AGTPBP1: variants seen among roughly 807,000 people sequenced by gnomAD.
AGTPBP1 encodes the protein ATP/GTP binding carboxypeptidase 1.
AGTPBP1 carries 70 observed loss-of-function variants against 143.9 expected under a neutral mutation model. That is an observed-to-expected ratio of 0.49 (90% CI 0.40 to 0.59). AGTPBP1 has a LOEUF of 0.59. Ranked by LOEUF, AGTPBP1 falls within the 20% of genes least tolerant of loss-of-function variation. The pLI, the probability that AGTPBP1 is intolerant of heterozygous loss-of-function variation, is 0.00. For synonymous variants in AGTPBP1, 463 were observed against 500.2 expected (o/e 0.93, Z 0.99); for missense variants, 1,229 against 1,464.5 (o/e 0.84, Z 2.62).
chr9:85,606,204 T>C (rs766953836), intron 17 of AGTPBP1, among the ~76,000 whole-genome samples: 2 of 151,590 alleles, frequency 1.3e-5, no homozygotes, highest in Admixed American at 6.6e-5. Flanking sequence ...AACTCAATAG[T>C]AAAAAATAAT....
chr9:85,681,203 G>T, intron 4 of AGTPBP1, 65 bp downstream of exon 4: 1 of 1,412,882 alleles, frequency 7.1e-7, no homozygotes, highest in Non-Finnish European at 9.9e-7. Flanking sequence ...ACACACATAC[G>T]CTTTTTCTTC....
At chr9:85,757,093 T>C in the AGTPBP1 span, among the ~76,000 whole-genome samples, 3 of 152,106 alleles carry the variant, frequency 2.0e-5, no homozygotes, top group East Asian at 1.9e-4. Context: ...TACTTTATTA[T>C]TATTTTTTAT....
chr9:85,631,665 A>T (rs968711726), intron 14 of AGTPBP1, among the ~76,000 whole-genome samples: 14 of 152,256 alleles, frequency 9.2e-5, no homozygotes, highest in African/African-American at 2.9e-4. Flanking sequence ...GGTAAAAAAA[A>T]ATAAGATGCA....
chr9:85,651,813 C>G (rs1485250919), intron 11 of AGTPBP1, among the ~76,000 whole-genome samples: 1 of 152,190 alleles, frequency 6.6e-6, no homozygotes, highest in Non-Finnish European at 1.5e-5. Context: ...TCAAGGCCAG[C>G]TCGATTCATT....
intron 1 of AGTPBP1, among the ~76,000 whole-genome samples, chr9:85,738,265 TAG>T (rs1371878986): frequency 2.0e-5 from 3 of 151,970 alleles, no homozygotes; most frequent in Non-Finnish European, 4.4e-5. Flanking sequence ...TGAAAGCATT[TAG>T]AGTTTTAATA....
the AGTPBP1 span, chr9:85,765,169 A>C: frequency 3.1e-6 from 1 of 324,990 alleles, no homozygotes; most frequent in South Asian, 4.0e-5. Flanking sequence ...GCATTTGGAA[A>C]CTATTAATTT....
At chr9:85,778,462 C>T in the AGTPBP1 span, among the ~76,000 whole-genome samples, 1 of 152,212 alleles carries the variant, frequency 6.6e-6, no homozygotes, top group East Asian at 1.9e-4. Context: ...GCCACTGACA[C>T]CTCAAGCACC....
chr9:85,787,960 A>C, the AGTPBP1 span: 1 of 152,172 alleles, frequency 6.6e-6, no homozygotes, highest in Non-Finnish European at 1.5e-5. Flanking sequence ...CCCTGTGCTC[A>C]AAGACTCAAG....
chr9:85,554,195 A>T (rs1018729406), intron 25 of AGTPBP1: 1 of 152,294 alleles, frequency 6.6e-6, no homozygotes, highest in Admixed American at 6.5e-5. Flanking sequence ...CAGCTGTTAG[A>T]GGCAGAGAAG....
chr9:85,549,153 T>G (rs1027994505), intron 25 of AGTPBP1, among the ~76,000 whole-genome samples: 47 of 152,208 alleles, frequency 3.1e-4, no homozygotes, highest in African/African-American at 1.1e-3. Flanking sequence ...AAATCTTCTC[T>G]TGCCACATAC....
chr9:85,724,322 T>C (rs1838332194), intron 1 of AGTPBP1, among the ~76,000 whole-genome samples: 1 of 151,772 alleles, frequency 6.6e-6, no homozygotes, highest in Middle Eastern at 3.4e-3. Context: ...AATAAACATC[T>C]GTTCTTTATA....
intron 22 of AGTPBP1, among the ~76,000 whole-genome samples, chr9:85,586,506 T>C (rs1828619163): frequency 1.3e-5 from 2 of 152,270 alleles, no homozygotes; most frequent in African/African-American, 2.4e-5. Flanking sequence ...CTGTGTGTAG[T>C]AGAGACTTAA....
Position 85,692,699 on chromosome 9 carries a change from A to G in AGTPBP1, c.147T>C (p.Ala49=). The change falls in exon 3 of 26, where the codon GCT becomes GCC. Residue 49 remains alanine, a synonymous_variant. Coordinates refer to ENST00000357081, the MANE Select transcript of AGTPBP1 (RefSeq NM_001330701.2). ...GAGATCAATGTTTACCTTGACTCTG[A>G]GCCAGATGAAGAATTTTTGATGTAA... ...RYVTSKILHL[A]QSQEKTRREM... 6.2e-7 allele frequency: 1 copy of G among 1,613,912 alleles called. No individual in the cohort carries two copies. Among genetic ancestry groups the G allele is most frequent in the Non-Finnish European group, 8.5e-7 (1 of 1,179,926 alleles).
chr9:85,586,375 C>T (rs1349402023), intron 22 of AGTPBP1, among the ~76,000 whole-genome samples: 2 of 151,958 alleles, frequency 1.3e-5, no homozygotes, highest in Non-Finnish European at 2.9e-5. Flanking sequence ...TCTATCTTTC[C>T]TAAAGAAAGA....
intron 23 of AGTPBP1, among the ~76,000 whole-genome samples, chr9:85,580,006 G>A (rs956253830): frequency 6.6e-6 from 1 of 151,906 alleles, no homozygotes; most frequent in African/African-American, 2.4e-5. Context: ...GGGAGTCTGA[G>A]GCAGGTGGAT....
At chr9:85,797,269 G>A in the AGTPBP1 span, among the ~76,000 whole-genome samples, 1 of 151,996 alleles carries the variant, frequency 6.6e-6, no homozygotes, top group Non-Finnish European at 1.5e-5. Context: ...CAGTACTCCT[G>A]GCTAATTTTT....
chr9:85,725,189 C>G (rs545330048), intron 1 of AGTPBP1, among the ~76,000 whole-genome samples: 2 of 152,102 alleles, frequency 1.3e-5, no homozygotes, highest in Non-Finnish European at 2.9e-5. Context: ...TTCAGTTTTT[C>G]TACAACAATG....
intron 3 of AGTPBP1, among the ~76,000 whole-genome samples, chr9:85,683,623 T>A (rs1422373960): frequency 6.6e-6 from 1 of 152,190 alleles, no homozygotes; most frequent in Non-Finnish European, 1.5e-5. Flanking sequence ...AATGTCATTG[T>A]GGAAAATTCA....
At chr9:85,771,747 G>A in the AGTPBP1 span, among the ~76,000 whole-genome samples, 1 of 151,504 alleles carries the variant, frequency 6.6e-6, no homozygotes, top group Admixed American at 6.6e-5. Flanking sequence ...CTGCCCCAAG[G>A]TTCACGCCAT....
Sources: allele counts gnomAD v4.1 joint callset (sites outside exome capture counted in the v4.1 genomes callset), GRCh38; gene constraint gnomAD v4.1.1; transcripts MANE v1.5; gene names NCBI Gene and HGNC (gene_info 2026-07-23, HGNC 2026-07-21).